The following ELF2 variants were observed in gnomAD, a reference collection of about 807,000 sequenced individuals.
The protein encoded by ELF2 is E74 like ETS transcription factor 2.
In ELF2, 11 loss-of-function variants were observed where a neutral mutation model predicts 54.8. The observed-to-expected ratio is 0.20, with a 90% CI of 0.13 to 0.33. The LOEUF (loss-of-function observed/expected upper bound fraction) is 0.33. Ranked by LOEUF, ELF2 falls within the 10% of genes least tolerant of loss-of-function variation. ELF2 has a pLI of 1.00. For missense variants in ELF2, 513 were observed against 703.0 expected (o/e 0.73, Z 3.06); for synonymous variants, 203 against 245.1 (o/e 0.83, Z 1.61).
intron 3 of ELF2, among the ~76,000 whole-genome samples, chr4:139,126,342 A>T (rs1181358353): frequency 6.6e-6 from 1 of 151,648 alleles, no homozygotes; most frequent in Non-Finnish European, 1.5e-5. Context: ...AGTTCCAAAA[A>T]AATAAATCAT....
chr4:139,062,116 A>C, intron 7 of ELF2, 59 bp from the exon 8 acceptor site: 1 of 1,472,044 alleles, frequency 6.8e-7, no homozygotes, highest in Non-Finnish European at 9.2e-7. Flanking sequence ...ATACATAATT[A>C]AAAGCAAATA....
At chr4:139,156,629 TG>T (rs918721542) in intron 1 of ELF2, among the ~76,000 whole-genome samples, 15 of 130,856 alleles carry the variant, frequency 1.1e-4, no homozygotes, top group Non-Finnish European at 1.9e-4. Flanking sequence ...GTTTTGTTGT[TG>T]TTGTTGTTGT....
intron 4 of ELF2, chr4:139,115,346 G>T (rs891746251): frequency 2.3e-6 from 3 of 1,325,688 alleles, no homozygotes; most frequent in Admixed American, 4.0e-5. Flanking sequence ...CGCCAACGCC[G>T]CGCCCCCCGC....
intron 4 of ELF2, among the ~76,000 whole-genome samples, chr4:139,080,095 A>G (rs1391486863): frequency 6.6e-6 from 1 of 152,050 alleles, no homozygotes; most frequent in East Asian, 1.9e-4. Context: ...ATTATTTTAA[A>G]TAGTTATCAA....
intron 4 of ELF2, among the ~76,000 whole-genome samples, chr4:139,083,179 T>C (rs1731390758): frequency 1.5e-5 from 2 of 135,512 alleles, no homozygotes; most frequent in South Asian, 5.2e-4. Flanking sequence ...TGGTGGGAGG[T>C]TTGGGGGGGG....
intron 5 of ELF2, among the ~76,000 whole-genome samples, chr4:139,072,736 C>T (rs1729699221): frequency 6.6e-6 from 1 of 152,082 alleles, no homozygotes; most frequent in Non-Finnish European, 1.5e-5. Context: ...TTAAGAGATA[C>T]AATTAATACA....
At chr4:139,077,094 T>G (rs528974104) in intron 4 of ELF2, among the ~76,000 whole-genome samples, 1 of 152,282 alleles carries the variant, frequency 6.6e-6, no homozygotes, top group East Asian at 1.9e-4. Flanking sequence ...GACACAAGTG[T>G]GAACAGATTT....
chr4:139,126,415 G>T (rs1736927587), intron 3 of ELF2, among the ~76,000 whole-genome samples: 1 of 150,018 alleles, frequency 6.7e-6, no homozygotes, highest in East Asian at 2.0e-4. Flanking sequence ...CAACAAGAAA[G>T]AAGTAAATCA....
intron 4 of ELF2, among the ~76,000 whole-genome samples, chr4:139,104,139 A>T (rs1734179042): frequency 6.6e-6 from 1 of 152,204 alleles, no homozygotes; most frequent in South Asian, 2.1e-4. Flanking sequence ...ACAAACAACA[A>T]CAAAAAACTG....
intron 4 of ELF2, among the ~76,000 whole-genome samples, chr4:139,099,580 C>T (rs1265409683): frequency 6.6e-6 from 1 of 152,188 alleles, no homozygotes; most frequent in African/African-American, 2.4e-5. Context: ...CCAGGTGGCA[C>T]CAAACCACAG....
In ELF2 at chr4:139,073,497, A is replaced by G. The variant is rs746276737; in HGVS notation, c.309T>C (p.Leu103=). ...DKTIEAAEAL[L]HMESPTCLRD... is the part of the protein sequence containing the mutation. ...TCAAGCAGGTAGGAGATTCCATATG[A>G]AGCAGGGCTTCAGCAGCTTCAATTG... The change falls in exon 5 of 10, where the codon CTT becomes CTC. Residue 103 remains leucine, a synonymous_variant. Transcript: ENST00000686138. 1 of 1,609,518 alleles carries G rather than the reference A, an allele frequency of 6.2e-7. No homozygotes were observed. The highest frequency in any genetic ancestry group is 1.1e-5 in the South Asian group (1 of 90,552).
chr4:139,068,865 CACAT>C (rs1396551280), intron 6 of ELF2, among the ~76,000 whole-genome samples: 2 of 151,964 alleles, frequency 1.3e-5, no homozygotes, highest in African/African-American at 4.8e-5. Flanking sequence ...TATATACACA[CACAT>C]AAATACATAC....
intron 4 of ELF2, among the ~76,000 whole-genome samples, chr4:139,083,878 C>G (rs1250194955): frequency 6.6e-6 from 1 of 152,216 alleles, no homozygotes; most frequent in Non-Finnish European, 1.5e-5. Context: ...AGCCCGGCAG[C>G]TGCTGCTGCT....
At chr4:139,091,775 T>C (rs1352321562) in intron 4 of ELF2, among the ~76,000 whole-genome samples, 3 of 152,202 alleles carry the variant, frequency 2.0e-5, no homozygotes, top group African/African-American at 4.8e-5. Flanking sequence ...CCACTGTACC[T>C]AGCCAGAAAA....
intron 6 of ELF2, among the ~76,000 whole-genome samples, chr4:139,070,741 C>G (rs1729393593): frequency 6.6e-6 from 1 of 152,154 alleles, no homozygotes; most frequent in Non-Finnish European, 1.5e-5. Flanking sequence ...ACTCTTCCTC[C>G]TAAATTCTCT....
chr4:139,098,518 G>A (rs1560808217), intron 4 of ELF2, among the ~76,000 whole-genome samples: 1 of 150,554 alleles, frequency 6.6e-6, no homozygotes, highest in African/African-American at 2.4e-5. Context: ...ACCCAGGCTG[G>A]AGTGCAGTGG....
chr4:139,103,761 T>G (rs542580354), intron 4 of ELF2, among the ~76,000 whole-genome samples: 1 of 152,368 alleles, frequency 6.6e-6, no homozygotes, highest in South Asian at 2.1e-4. Flanking sequence ...CAGAACTGAC[T>G]GACTAGTTTA....
chr4:139,085,668 T>A (rs1731903977), intron 4 of ELF2, among the ~76,000 whole-genome samples: 1 of 152,206 alleles, frequency 6.6e-6, no homozygotes, highest in Non-Finnish European at 1.5e-5. Context: ...ACATGCTATT[T>A]CCAAAGTACA....
chr4:139,134,715 A>G (rs1413119075), intron 3 of ELF2, among the ~76,000 whole-genome samples: 1 of 150,898 alleles, frequency 6.6e-6, no homozygotes, highest in Non-Finnish European at 1.5e-5. Flanking sequence ...CACCTGCCTT[A>G]GTCTCCCCAA....
Sources: allele counts gnomAD v4.1 joint callset (sites outside exome capture counted in the v4.1 genomes callset), GRCh38; gene constraint gnomAD v4.1.1; transcripts MANE v1.5; gene names NCBI Gene and HGNC (gene_info 2026-07-23, HGNC 2026-07-21).